Variants in EPS15 observed in about 807,000 individuals in gnomAD.
EPS15 encodes the protein epidermal growth factor receptor substrate 15.
EPS15 carries 72 observed loss-of-function variants against 113.8 expected under a neutral mutation model. The ratio of observed to expected loss-of-function variants is 0.63; its 90% CI spans 0.52 to 0.77. EPS15 has a LOEUF of 0.77. EPS15 is among the 30% of genes least tolerant of loss of function. The pLI is 0.00. For synonymous variants in EPS15, 344 were observed against 363.4 expected, an observed-to-expected ratio of 0.95 and a Z score of 0.61; for missense variants, 1,048 against 1,045.8, an observed-to-expected ratio of 1.00 and a Z score of -0.03.
chr1:51,384,900 A>G (rs755585971), intron 21 of EPS15, among the ~76,000 whole-genome samples: 5 of 152,248 alleles, frequency 3.3e-5, no homozygotes, highest in Admixed American at 6.5e-5. Context: ...CCACATGCAA[A>G]TGAATGAAGT....
chr1:51,508,276 G>GAAAA (rs1266356735), intron 1 of EPS15, among the ~76,000 whole-genome samples: 1 of 133,770 alleles, frequency 7.5e-6, no homozygotes, highest in African/African-American at 3.4e-5. Context: ...GAGAGAGAAA[G>GAAAA]AGAGAAAGAG....
chr1:51,357,394 ATATATATATATATAT>A (rs1557761323), intron 24 of EPS15, among the ~76,000 whole-genome samples: 12 of 61,734 alleles, frequency 1.9e-4, no homozygotes, highest in African/African-American at 1.1e-3. Context: ...AAAAAAAAAT[ATATATATATATATAT>A]ATATATATAT....
intron 21 of EPS15, chr1:51,372,292 T>TG (rs1265091589): frequency 1.8e-5 from 9 of 507,868 alleles, no homozygotes; most frequent in Non-Finnish European, 3.2e-5. Context: ...CAGAAGGCAG[T>TG]GGTCCACCTT....
rs1646444751 is a variant in EPS15, at chr1:51,363,870, T to C, written c.2355A>G (p.Pro785=). 6.2e-6 allele frequency: 10 copies of C among 1,610,456 alleles called. No individual in the cohort carries two copies. The highest frequency in any genetic ancestry group is 3.3e-4 in the Middle Eastern group (2 of 6,048). The change falls in exon 23 of 25, where the codon CCA becomes CCG. Residue 785 remains proline (P), a synonymous_variant. Transcript: ENST00000371733. Reference sequence around the variant, plus strand: ...GAAAAGTACCAACTCTCATACCAGGTGGTAGAGGGCAGGGTCTTGTTGGAG... The same window carrying C: ...GAAAAGTACCAACTCTCATACCAGGCGGTAGAGGGCAGGGTCTTGTTGGAG... ...IGTPTRPCPL[P]PGKRSINKLD...
At chr1:51,405,438 T>C in intron 16 of EPS15, among the ~76,000 whole-genome samples, 1 of 152,228 alleles carries the variant, frequency 6.6e-6, no homozygotes, top group Non-Finnish European at 1.5e-5. Context: ...GGCTCACGCC[T>C]GTAATCCCTG....
At chr1:51,384,297 TC>T (rs58065358) in intron 21 of EPS15, among the ~76,000 whole-genome samples, 6,340 of 105,582 alleles carry the variant, frequency 0.06, 506 homozygotes, top group African/African-American at 0.2. Context: ...TTTCTTTCTT[TC>T]TTTTTTTTTT....
intron 10 of EPS15, among the ~76,000 whole-genome samples, chr1:51,445,969 C>T (rs149169155): frequency 1.1e-4 from 17 of 152,330 alleles, no homozygotes; most frequent in African/African-American, 3.8e-4. Flanking sequence ...ACCCTAGGCA[C>T]TCAATAGTGG....
rs1016894935 is a variant in EPS15 at position 51,446,243 on chromosome 1, C to T, written c.797+717G>A. Among the ~76,000 whole-genome samples the T allele has an allele frequency of 6.6e-5, 10 of 152,090 alleles. 1 individual carries two copies. Among genetic ancestry groups the T allele is most frequent in the Admixed American group, 2.6e-4 (4 of 15,254 alleles). ...AATTCATTAAAGACACTAGGGTTTGCCTTTTCAAGGACCAAGTATGTTATT... is the reference window on the plus strand; with the variant it reads ...AATTCATTAAAGACACTAGGGTTTGTCTTTTCAAGGACCAAGTATGTTATT... On this transcript the variant is annotated intron_variant, in intron 10 of 24. Transcript: ENST00000371733.
chr1:51,440,418 T>G lies in EPS15; in HGVS notation c.969A>C (p.Ser323=). ...TAGCAGAGAAATCTGCAACAGGACT[T>G]GATCCTATGATGTTCTAAAAACAAA... ...RASLQKNIIG[S]SPVADFSAIK... Residue 323 remains serine (S), a synonymous_variant, in exon 12 of 25, where the codon TCA becomes TCC. Transcript: ENST00000371733. 1 of 1,570,902 alleles carries G rather than the reference T, an allele frequency of 6.4e-7. No individual in the cohort carries two copies.
intron 24 of EPS15, among the ~76,000 whole-genome samples, chr1:51,358,724 T>TC (rs1340372700): frequency 2.0e-5 from 3 of 149,338 alleles, no homozygotes; most frequent in African/African-American, 7.4e-5. Flanking sequence ...TTTTTTTTTT[T>TC]TTGAGGCGGA....
intron 3 of EPS15, 134 bp from the exon 4 acceptor site, chr1:51,471,871 A>C: frequency 1.4e-6 from 1 of 722,592 alleles, no homozygotes. Context: ...TAAGAGTGGA[A>C]AGAACCCTTA....
At chr1:51,359,456 A>AAG (rs1262705581) in intron 24 of EPS15, among the ~76,000 whole-genome samples, 1 of 150,298 alleles carries the variant, frequency 6.7e-6, no homozygotes, top group Non-Finnish European at 1.5e-5. Flanking sequence ...AAAAAAAAAA[A>AAG]AAAAAAAGGA....
chr1:51,379,273 CCACG>C (rs1646879192), intron 21 of EPS15, among the ~76,000 whole-genome samples: 1 of 152,160 alleles, frequency 6.6e-6, no homozygotes, highest in East Asian at 1.9e-4. Context: ...GCGCAAGCCA[CCACG>C]CCCGGATAAT....
intron 2 of EPS15, 48 bp from the exon 3 acceptor site, chr1:51,472,996 A>C: frequency 1.4e-6 from 2 of 1,392,658 alleles, no homozygotes; most frequent in Non-Finnish European, 1.0e-6. Context: ...CAAAAGGCAA[A>C]ATTATCACCA....
At chr1:51,505,862 G>A (rs1489086174) in intron 1 of EPS15, among the ~76,000 whole-genome samples, 1 of 146,422 alleles carries the variant, frequency 6.8e-6, no homozygotes, top group Non-Finnish European at 1.5e-5. Context: ...CGCAATCTTG[G>A]CTCACTACAA....
chr1:51,429,839 T>C (rs1176980329), intron 12 of EPS15, among the ~76,000 whole-genome samples: 1 of 151,954 alleles, frequency 6.6e-6, no homozygotes, highest in African/African-American at 2.4e-5. Flanking sequence ...TTAGTAGAGA[T>C]GGGGTTTCAC....
intron 20 of EPS15, among the ~76,000 whole-genome samples, chr1:51,395,468 AATC>A (rs1647835729): frequency 6.6e-6 from 1 of 152,176 alleles, no homozygotes; most frequent in Admixed American, 6.6e-5. Context: ...GTTATCTAAA[AATC>A]ATTCTGCATT....
Position 51,361,185 on chromosome 1 carries a change from C to A in EPS15, c.2530G>T (p.Ala844Ser). Residue 844 changes from alanine (A) to serine (S), a missense_variant, in exon 24 of 25, where the codon GCC (alanine) becomes TCC (serine). Ala to Ser is a moderately conservative substitution (Grantham distance 99). Coordinates refer to ENST00000371733, the MANE Select transcript of EPS15 (RefSeq NM_001981.3). Reference sequence around the variant, plus strand: ...ACAGTACTTACAGCACTGAAGTTGGCAAAATTGCTTGGATCAGCCTCTTTA... The same window carrying A: ...ACAGTACTTACAGCACTGAAGTTGGAAAAATTGCTTGGATCAGCCTCTTTA... Reference protein sequence around the residue: ...TNKEADPSNFANFSAYPSEED... With the variant: ...TNKEADPSNFSNFSAYPSEED... 6.2e-7 allele frequency: 1 copy of A among 1,613,726 alleles called. No homozygotes were observed. Among genetic ancestry groups the A allele is most frequent in the Non-Finnish European group, 8.5e-7 (1 of 1,179,710 alleles).
rs1385798406 is a variant in EPS15, at chr1:51,401,158, G to C, written c.1883-205C>G. 4 of 419,292 alleles carry C rather than the reference G, an allele frequency of 9.5e-6. No individual in the cohort carries two copies. In the East Asian group the frequency reaches 1.5e-4, roughly 16 times the overall value. 26.0% of individuals were successfully genotyped at this position (419,292 alleles called of 1,614,324 possible). On this transcript the variant is annotated intron_variant, in intron 18 of 24. Coordinates refer to ENST00000371733, the MANE Select transcript of EPS15 (RefSeq NM_001981.3). ...TTGATCACAAGTTGAGGTTACGGAT[G>C]GAGGGGAAGACATTACAGCAAAAAT...
Sources: allele counts gnomAD v4.1 joint callset (sites outside exome capture counted in the v4.1 genomes callset), GRCh38; gene constraint gnomAD v4.1.1; transcripts MANE v1.5; gene names NCBI Gene and HGNC (gene_info 2026-07-23, HGNC 2026-07-21).